ANKRD12: variants seen among roughly 807,000 people sequenced by gnomAD.
ANKRD12 encodes ankyrin repeat domain-containing protein 12.
Under a neutral mutation model 183.4 loss-of-function variants are expected in ANKRD12, and 85 were observed. The ratio of observed to expected loss-of-function variants is 0.46; its 90% CI spans 0.39 to 0.56. The LOEUF (loss-of-function observed/expected upper bound fraction) is 0.56, where lower values mean the gene tolerates loss of function less well. ANKRD12 is among the 20% of genes least tolerant of loss of function. The pLI, the probability that ANKRD12 is intolerant of heterozygous loss-of-function variation, is 0.00. For synonymous variants in ANKRD12, 914 were observed against 800.2 expected (o/e 1.14, Z -2.40); for missense variants, 2,405 against 2,357.1 (o/e 1.02, Z -0.42).
chr18:9,255,751 T>C lies in ANKRD12; in HGVS notation c.2484T>C (p.Ile828=), dbSNP rs1467640697. The C allele has an allele frequency of 1.3e-6, 2 of 1,584,648 alleles. No homozygotes were observed. The highest frequency in any genetic ancestry group is 4.5e-5 in the East Asian group (2 of 44,334). ...AAAAACCTGAGAAGCGATCTCAAAT[T>C]AAAGAAAAGGACATTGAGAAGATGG... The part of the protein sequence containing the change: ...SKEKPEKRSQ[I]KEKDIEKMER... Residue 828 remains isoleucine (I), a synonymous_variant, in exon 9 of 13, where the codon ATT becomes ATC. Transcript: ENST00000262126.
In ANKRD12 at chr18:9,241,774, T is replaced by C. The variant is rs2037675907; in HGVS notation, c.944-12437T>C. Among the ~76,000 whole-genome samples the C allele has an allele frequency of 2.0e-5, 3 of 152,186 alleles. No individual in the cohort carries two copies. In the South Asian group the frequency reaches 6.2e-4, roughly 32 times the overall value. On this transcript the variant is annotated intron_variant, in intron 8 of 12. Coordinates refer to ENST00000262126, the MANE Select transcript of ANKRD12 (RefSeq NM_015208.5). ...CTGAATCTTAGTTTTTTAAACTTTTTAAATGTATATATCACCAACTTGCTT... is the reference window on the plus strand; with the variant it reads ...CTGAATCTTAGTTTTTTAAACTTTTCAAATGTATATATCACCAACTTGCTT...
intron 3 of ANKRD12, among the ~76,000 whole-genome samples, chr18:9,198,319 G>C (rs1367293765): frequency 2.0e-5 from 3 of 151,944 alleles, no homozygotes; most frequent in Admixed American, 6.6e-5. Context: ...TTATAGTTTG[G>C]AAAGAAATAC....
intron 4 of ANKRD12, among the ~76,000 whole-genome samples, chr18:9,205,236 A>G (rs1326873034): frequency 6.9e-6 from 1 of 144,044 alleles, no homozygotes; most frequent in African/African-American, 2.7e-5. Context: ...GTTCTCTAGT[A>G]TGTGACAGCT....
Position 9,256,163 on chromosome 18 carries a change from G to T in ANKRD12, c.2896G>T (p.Asp966Tyr). 6.4e-7 allele frequency: 1 copy of T among 1,558,858 alleles called. No individual in the cohort carries two copies. Among genetic ancestry groups the T allele is most frequent in the Non-Finnish European group, 8.6e-7 (1 of 1,162,690 alleles). The stretch of plus-strand genomic sequence containing the variant: ...GCTAGATAAAAAGGAAAAATCTAGA[G>T]ATAAAGAAAGTATAAATATAACTAA... ...RELDKKEKSR[D>Y]KESINITNSK... Residue 966 changes from aspartate (D) to tyrosine (Y), a missense_variant, in exon 9 of 13, where the codon GAT becomes TAT. Coordinates refer to ENST00000262126, the MANE Select transcript of ANKRD12 (RefSeq NM_015208.5).
rs1032553221 is a variant in ANKRD12 at position 9,257,205 on chromosome 18, C to T, written c.3938C>T (p.Pro1313Leu). 5 of 1,614,012 alleles carry T rather than the reference C, an allele frequency of 3.1e-6. No individual in the cohort carries two copies. The East Asian group carries it at 6.7e-5, about 22-fold the overall frequency. The change falls in exon 9 of 13, where the codon CCT becomes CTT. Residue 1313 changes from proline to leucine, a missense_variant. Pro to Leu is a moderately conservative substitution (Grantham distance 98). Coordinates refer to ENST00000262126, the MANE Select transcript of ANKRD12 (RefSeq NM_015208.5). ...PTIEVRRCSM[P>L]SVICEHTKQF... Reference sequence around the variant, plus strand: ...ATAGAAGTTCGAAGATGTAGCATGCCTTCTGTCATTTGTGAACATACCAAA... The same window carrying T: ...ATAGAAGTTCGAAGATGTAGCATGCTTTCTGTCATTTGTGAACATACCAAA...
At position 9,195,585 on chromosome 18, in the gene ANKRD12, C is replaced by T; in HGVS notation, c.122C>T (p.Pro41Leu). ...AAGATTGCATCCTACAGCAAAACTC[C>T]AAAAATTGAACGAAGTGATGTGAGC... ...KDKIASYSKT[P>L]KIERSDVSKE... Residue 41 changes from proline (P) to leucine (L), a missense_variant, in exon 3 of 13, where the codon CCA (proline) becomes CTA (leucine). Pro to Leu is a moderately conservative substitution (Grantham distance 98, BLOSUM62 -3). Around this residue, in one of 7 missense-constraint regions of ANKRD12, gnomAD observed 145 missense variants for 145.6 expected, o/e 1.00. Transcript: ENST00000262126. The T allele has an allele frequency of 6.2e-7, 1 of 1,609,198 alleles. No individual in the cohort carries two copies. Among genetic ancestry groups the T allele is most frequent in the Non-Finnish European group, 8.5e-7 (1 of 1,177,734 alleles).
chr18:9,159,476 G>T (rs184529758), intron 1 of ANKRD12, among the ~76,000 whole-genome samples: 114 of 152,188 alleles, frequency 7.5e-4, no homozygotes, highest in Non-Finnish European at 1.3e-3. Flanking sequence ...CTGTCGCCCA[G>T]GCTGGGGTGC....
At chr18:9,204,389 T>C in intron 3 of ANKRD12, 87 bp from the exon 4 acceptor site, 1 of 879,780 alleles carries the variant, frequency 1.1e-6, no homozygotes, top group Non-Finnish European at 1.8e-6. Context: ...TATTAACTGG[T>C]GGTCTTTTGA....
intron 2 of ANKRD12, among the ~76,000 whole-genome samples, chr18:9,191,720 C>G (rs1309671864): frequency 1.3e-5 from 2 of 152,086 alleles, no homozygotes; most frequent in African/African-American, 4.8e-5. Flanking sequence ...CAGGGCTAGC[C>G]AGTTCCTAGA....
At chr18:9,267,835 T>TC (rs1345675023) in intron 10 of ANKRD12, among the ~76,000 whole-genome samples, 1 of 152,040 alleles carries the variant, frequency 6.6e-6, no homozygotes, top group Admixed American at 6.6e-5. Context: ...ATCCAGGAGC[T>TC]GGTTTTTTGA....
intron 4 of ANKRD12, among the ~76,000 whole-genome samples, 197 bp from the exon 5 acceptor site, chr18:9,208,460 A>T (rs772171360): frequency 6.6e-6 from 1 of 152,098 alleles, no homozygotes; most frequent in Non-Finnish European, 1.5e-5. Context: ...TTAAGAATAT[A>T]TTTTTTTCAA....
At chr18:9,235,095 G>T (rs896772522) in intron 8 of ANKRD12, among the ~76,000 whole-genome samples, 1 of 151,260 alleles carries the variant, frequency 6.6e-6, no homozygotes, top group Non-Finnish European at 1.5e-5. Context: ...ACTCTGGAGA[G>T]GGTGGGTGTC....
chr18:9,162,650 A>G (rs980740993), intron 1 of ANKRD12, among the ~76,000 whole-genome samples: 6 of 152,168 alleles, frequency 3.9e-5, no homozygotes, highest in African/African-American at 1.4e-4. Context: ...TAGTTGAACT[A>G]ATTCCTAACA....
intron 8 of ANKRD12, among the ~76,000 whole-genome samples, chr18:9,235,142 T>C (rs2037272350): frequency 6.6e-6 from 1 of 152,204 alleles, no homozygotes; most frequent in Admixed American, 6.5e-5. Context: ...TTTAATTCTT[T>C]ATGATAAGTT....
chr18:9,137,772 C>G (rs566207243), intron 1 of ANKRD12: 34 of 152,428 alleles, frequency 2.2e-4, no homozygotes, highest in African/African-American at 7.7e-4. Context: ...TGCTTCAAGA[C>G]CCCTGGAGCA....
At chr18:9,236,604 A>G (rs1314099808) in intron 8 of ANKRD12, among the ~76,000 whole-genome samples, 1 of 152,210 alleles carries the variant, frequency 6.6e-6, no homozygotes, top group African/African-American at 2.4e-5. Flanking sequence ...GAGAATCATG[A>G]AAGAAAAGGT....
chr18:9,264,450 T>A (rs1180525051), intron 10 of ANKRD12, among the ~76,000 whole-genome samples: 1 of 152,238 alleles, frequency 6.6e-6, no homozygotes, highest in East Asian at 1.9e-4. Context: ...ATGATCCTTC[T>A]TCACAGAAAT....
intron 11 of ANKRD12, among the ~76,000 whole-genome samples, chr18:9,277,423 G>A (rs1358363754): frequency 6.7e-6 from 1 of 149,056 alleles, no homozygotes; most frequent in African/African-American, 2.5e-5. Flanking sequence ...TGCCTCCCTG[G>A]TTCATGCCAT....
intron 4 of ANKRD12, among the ~76,000 whole-genome samples, chr18:9,205,500 T>C (rs147019208): frequency 6.6e-6 from 1 of 152,174 alleles, no homozygotes; most frequent in African/African-American, 2.4e-5. Flanking sequence ...AAAGTTTTAA[T>C]TGAGCTGATA....
Sources: gnomAD v4.1 joint callset for allele counts (sites outside exome capture counted in the v4.1 genomes callset) on GRCh38, gnomAD v4.1.1 for gene constraint, gnomAD v4.1.1 regional missense constraint, MANE v1.5 for transcripts, NCBI Gene and HGNC (gene_info 2026-07-23, HGNC 2026-07-21) for gene names.